Variants in KHDRBS3 observed in about 807,000 individuals in gnomAD.
KHDRBS3 encodes KH domain-containing, RNA-binding, signal transduction-associated protein 3.
KHDRBS3 carries 23 observed loss-of-function variants against 45.6 expected under a neutral mutation model. The ratio of observed to expected loss-of-function variants is 0.50; its 90% CI spans 0.36 to 0.72. The LOEUF is 0.72. KHDRBS3 is among the 30% of genes least tolerant of loss of function. KHDRBS3 has a pLI of 0.00. For missense variants in KHDRBS3, 352 were observed against 424.8 expected, an observed-to-expected ratio of 0.83 and a Z score of 1.51; for synonymous variants, 162 against 156.5, an observed-to-expected ratio of 1.04 and a Z score of -0.26.
intron 1 of KHDRBS3, among the ~76,000 whole-genome samples, chr8:135,484,873 G>A (rs545400570): frequency 5.3e-5 from 8 of 152,250 alleles, no homozygotes; most frequent in African/African-American, 1.9e-4. Flanking sequence ...AATATTTATT[G>A]CCTGGGAGGT....
At chr8:135,625,530 G>T in intron 7 of KHDRBS3, 1 of 848,378 alleles carries the variant, frequency 1.2e-6, no homozygotes, top group South Asian at 1.4e-5. Flanking sequence ...GAACTGAGAG[G>T]TTTCTTGGGT....
intron 6 of KHDRBS3, among the ~76,000 whole-genome samples, chr8:135,587,624 T>C (rs1394756777): frequency 2.0e-5 from 3 of 152,214 alleles, no homozygotes; most frequent in Non-Finnish European, 2.9e-5. Context: ...ATTATTTATG[T>C]CCAAATAATT....
At chr8:135,597,379 G>T (rs1038902190) in intron 6 of KHDRBS3, among the ~76,000 whole-genome samples, 1 of 152,116 alleles carries the variant, frequency 6.6e-6, no homozygotes, top group Non-Finnish European at 1.5e-5. Context: ...ATACAAACAT[G>T]CAAACCACAG....
At chr8:135,569,909 A>G (rs1326439385) in intron 5 of KHDRBS3, among the ~76,000 whole-genome samples, 2 of 152,112 alleles carry the variant, frequency 1.3e-5, no homozygotes, top group Non-Finnish European at 2.9e-5. Flanking sequence ...ACCCAATTCC[A>G]TACAGTTTTT....
At chr8:135,481,045 C>T (rs1055837897) in intron 1 of KHDRBS3, among the ~76,000 whole-genome samples, 1 of 151,834 alleles carries the variant, frequency 6.6e-6, no homozygotes, top group Admixed American at 6.6e-5. Context: ...CAAGCAAATC[C>T]AATGAAGTCA....
In KHDRBS3 at chr8:135,458,010, G is replaced by T. The variant is rs1324048428; in HGVS notation, c.88+56G>T. On this transcript the variant is annotated intron_variant, in intron 1 of 8. Transcript: ENST00000355849. ...CGGCGGTTGGGGGCCGGGTGGAAACGCGGGGGCCCAGGGGGCCCCTCCGTG... is the reference window on the plus strand; with the variant it reads ...CGGCGGTTGGGGGCCGGGTGGAAACTCGGGGGCCCAGGGGGCCCCTCCGTG... The T allele has an allele frequency of 2.6e-6, 4 of 1,521,474 alleles. No individual in the cohort carries two copies. In the African/African-American group the frequency reaches 4.3e-5, roughly 16 times the overall value. 94.2% of individuals were successfully genotyped at this position (1,521,474 alleles called of 1,614,324 possible). A position where few individuals can be genotyped will look rare whatever the true frequency, so the allele number is the denominator to read the frequency against.
intron 2 of KHDRBS3, among the ~76,000 whole-genome samples, chr8:135,532,188 A>G (rs903602381): frequency 3.9e-5 from 6 of 152,306 alleles, no homozygotes; most frequent in African/African-American, 1.2e-4. Flanking sequence ...ACACTGATAT[A>G]ATTCAAATGA....
In KHDRBS3 at chr8:135,485,010, A is replaced by G. The variant is rs1586588328; in HGVS notation, c.88+27056A>G. Among the ~76,000 whole-genome samples the G allele has an allele frequency of 2.0e-5, 3 of 152,340 alleles. No homozygotes were observed. The Middle Eastern group carries it at 0.01, about 518-fold the overall frequency. On this transcript the variant is annotated intron_variant, in intron 1 of 8. Transcript: ENST00000355849. ...CCTGACATCAGAAACGCAGTTGACC[A>G]GGATGTGTACAGTGGCACTGTATAC...
intron 6 of KHDRBS3, among the ~76,000 whole-genome samples, chr8:135,601,599 G>T (rs1044367515): frequency 2.0e-5 from 3 of 152,120 alleles, no homozygotes; most frequent in Non-Finnish European, 2.9e-5. Context: ...GGTCCTCTAG[G>T]AGCAAATATG....
intron 7 of KHDRBS3, among the ~76,000 whole-genome samples, chr8:135,621,607 G>C (rs953142863): frequency 6.6e-6 from 1 of 151,882 alleles, no homozygotes; most frequent in Non-Finnish European, 1.5e-5. Context: ...ACCTGAGATA[G>C]TGAGTTATTG....
intron 1 of KHDRBS3, among the ~76,000 whole-genome samples, chr8:135,475,296 A>G (rs1290153215): frequency 6.6e-6 from 1 of 152,074 alleles, no homozygotes; most frequent in East Asian, 1.9e-4. Flanking sequence ...TCAAGTACCT[A>G]GTGTATCTTC....
chr8:135,626,231 T>G (rs1055159876), intron 7 of KHDRBS3, among the ~76,000 whole-genome samples: 4 of 152,230 alleles, frequency 2.6e-5, no homozygotes, highest in African/African-American at 9.6e-5. Flanking sequence ...GATGAGAAAT[T>G]AAATTAACTT....
At chr8:135,642,011 G>C (rs537688244) in intron 7 of KHDRBS3, among the ~76,000 whole-genome samples, 1 of 152,304 alleles carries the variant, frequency 6.6e-6, no homozygotes, top group South Asian at 2.1e-4. Context: ...GGGAAAATTA[G>C]GACTACAGAA....
chr8:135,602,893 A>G (rs914947208), intron 6 of KHDRBS3, among the ~76,000 whole-genome samples: 5 of 152,220 alleles, frequency 3.3e-5, no homozygotes, highest in Admixed American at 1.3e-4. Context: ...CTCCTCTTCC[A>G]TTTGCACCAT....
intron 7 of KHDRBS3, among the ~76,000 whole-genome samples, chr8:135,621,722 G>A (rs1830150818): frequency 6.7e-6 from 1 of 149,712 alleles, no homozygotes; most frequent in Admixed American, 6.6e-5. Flanking sequence ...AAAAAAACGT[G>A]CAGTGGTCCT....
In KHDRBS3 at chr8:135,466,542, A is replaced by G. The variant is rs370038536; in HGVS notation, c.88+8588A>G. ...AATATGTTTATTTTGGGGGAAAATT[A>G]TACTCCTCACAGTTAATTTGCTTTG... On this transcript the variant is annotated intron_variant, in intron 1 of 8. Coordinates refer to ENST00000355849, the MANE Select transcript of KHDRBS3 (RefSeq NM_006558.3). 7.9e-5 allele frequency among the ~76,000 whole-genome samples: 12 copies of G among 152,240 alleles called. 1 individual carries two copies. The East Asian group carries it at 1.7e-3, about 22-fold the overall frequency.
chr8:135,580,148 A>C (rs1586751947), intron 5 of KHDRBS3, among the ~76,000 whole-genome samples: 2 of 152,314 alleles, frequency 1.3e-5, no homozygotes, highest in South Asian at 2.1e-4. Context: ...CCAGTGCTCA[A>C]GAATAGGCTG....
intron 7 of KHDRBS3, among the ~76,000 whole-genome samples, chr8:135,639,113 G>A (rs1830948439): frequency 6.6e-6 from 1 of 152,228 alleles, no homozygotes. Flanking sequence ...CACATAACAT[G>A]TGGATGAGCA....
chr8:135,484,517 G>C (rs1214127149), intron 1 of KHDRBS3, among the ~76,000 whole-genome samples: 1 of 152,224 alleles, frequency 6.6e-6, no homozygotes, highest in East Asian at 1.9e-4. Flanking sequence ...CCAGTTTCCA[G>C]CGGTTGCTCA....
Sources: gnomAD v4.1 joint callset for allele counts (sites outside exome capture counted in the v4.1 genomes callset) on GRCh38, gnomAD v4.1.1 for gene constraint, MANE v1.5 for transcripts, NCBI Gene and HGNC (gene_info 2026-07-23, HGNC 2026-07-21) for gene names.